Variants in ODAD2 observed in about 807,000 individuals in gnomAD.
The protein encoded by ODAD2 is outer dynein arm-docking complex subunit 2.
Under a neutral mutation model 106.8 loss-of-function variants are expected in ODAD2, and 89 were observed. The observed-to-expected ratio is 0.83, with a 90% confidence interval of 0.70 to 0.99. The LOEUF is 0.99. ODAD2 is among the 50% of genes least tolerant of loss of function. ODAD2 has a pLI of 0.00. For missense variants in ODAD2, 1,168 were observed against 1,238.5 expected, an observed-to-expected ratio of 0.94 and a Z score of 0.85; for synonymous variants, 404 against 436.2, an observed-to-expected ratio of 0.93 and a Z score of 0.92.
intron 10 of ODAD2, among the ~76,000 whole-genome samples, chr10:27,955,848 A>C (rs1199417849): frequency 6.6e-6 from 1 of 151,994 alleles, no homozygotes; most frequent in Non-Finnish European, 1.5e-5. Context: ...CCACCTCCAG[A>C]GAAGAAACCC....
At chr10:27,922,949 CA>C (rs966057889) in intron 16 of ODAD2, among the ~76,000 whole-genome samples, 3 of 149,708 alleles carry the variant, frequency 2.0e-5, no homozygotes, top group South Asian at 4.2e-4. Flanking sequence ...AAACAAAAAA[CA>C]AAAAAAACTA....
intron 17 of ODAD2, among the ~76,000 whole-genome samples, chr10:27,906,621 C>T (rs1479176185): frequency 1.3e-5 from 2 of 152,162 alleles, no homozygotes; most frequent in Non-Finnish European, 2.9e-5. Context: ...CCAAAACACC[C>T]ATCAATGATA....
intron 19 of ODAD2, among the ~76,000 whole-genome samples, chr10:27,849,940 C>T (rs2133212255): frequency 6.6e-6 from 1 of 152,292 alleles, no homozygotes. Flanking sequence ...AGGTGAACCA[C>T]CCAGCAAGAG....
intron 7 of ODAD2, among the ~76,000 whole-genome samples, chr10:27,976,771 A>G (rs913550512): frequency 2.0e-5 from 3 of 152,200 alleles, no homozygotes; most frequent in Admixed American, 2.0e-4. Context: ...TGGACATGCA[A>G]AAGATCTAGA....
At chr10:27,826,057 T>C (rs1372107703) in intron 19 of ODAD2, among the ~76,000 whole-genome samples, 1 of 152,198 alleles carries the variant, frequency 6.6e-6, no homozygotes, top group African/African-American at 2.4e-5. Context: ...ATTATTATGG[T>C]CATACCCGGA....
At chr10:27,887,752 C>A (rs1842319274) in intron 17 of ODAD2, among the ~76,000 whole-genome samples, 1 of 151,644 alleles carries the variant, frequency 6.6e-6, no homozygotes, top group Non-Finnish European at 1.5e-5. Context: ...AGAAATCACA[C>A]AAAACTAGAA....
chr10:27,852,920 C>T (rs927713897), intron 19 of ODAD2, among the ~76,000 whole-genome samples: 2 of 136,420 alleles, frequency 1.5e-5, no homozygotes, highest in Admixed American at 7.8e-5. Context: ...GAGATCGCGC[C>T]GTTGCACTCC....
At chr10:27,903,722 C>G (rs961658168) in intron 17 of ODAD2, among the ~76,000 whole-genome samples, 3 of 152,104 alleles carry the variant, frequency 2.0e-5, no homozygotes, top group African/African-American at 4.8e-5. Flanking sequence ...GAATAAAATA[C>G]CTAGGAATAG....
intron 2 of ODAD2, among the ~76,000 whole-genome samples, chr10:27,992,552 T>C (rs561640059): frequency 2.6e-5 from 4 of 152,060 alleles, no homozygotes; most frequent in South Asian, 2.1e-4. Context: ...TGACCAGGCA[T>C]AGTAGTATGT....
chr10:27,937,360 G>C (rs989784575), intron 14 of ODAD2, among the ~76,000 whole-genome samples: 58 of 138,200 alleles, frequency 4.2e-4, no homozygotes, highest in African/African-American at 1.4e-3. Context: ...TTTTTTGAGA[G>C]AGACTCTTGC....
intron 10 of ODAD2, 58 bp downstream of exon 10, chr10:27,961,510 T>A: frequency 6.8e-7 from 1 of 1,480,240 alleles, no homozygotes; most frequent in East Asian, 2.3e-5. Context: ...AGCATATACA[T>A]CTTTGGGAAA....
At chr10:27,907,014 TA>T (rs886427402) in intron 17 of ODAD2, among the ~76,000 whole-genome samples, 42 of 151,510 alleles carry the variant, frequency 2.8e-4, no homozygotes, top group African/African-American at 8.5e-4. Flanking sequence ...GAGTATAATT[TA>T]AAAAAAAATT....
chr10:27,814,723 A>C (rs1835995621), intron 19 of ODAD2, among the ~76,000 whole-genome samples: 1 of 152,192 alleles, frequency 6.6e-6, no homozygotes, highest in South Asian at 2.1e-4. Flanking sequence ...CTTAGATTGC[A>C]TAGTCCGTCT....
chr10:27,880,756 G>T (rs1183915589), intron 17 of ODAD2, among the ~76,000 whole-genome samples: 1 of 152,152 alleles, frequency 6.6e-6, no homozygotes, highest in Non-Finnish European at 1.5e-5. Context: ...CTTGATCTTG[G>T]ACTTCCCAGC....
intron 16 of ODAD2, among the ~76,000 whole-genome samples, chr10:27,929,754 G>A (rs760567171): frequency 4.6e-5 from 7 of 152,154 alleles, no homozygotes; most frequent in Non-Finnish European, 8.8e-5. Flanking sequence ...TCAATGGCTT[G>A]TGTCATTAAA....
intron 3 of ODAD2, among the ~76,000 whole-genome samples, chr10:27,986,028 A>G (rs1318531914): frequency 1.3e-5 from 2 of 152,164 alleles, no homozygotes; most frequent in Non-Finnish European, 2.9e-5. Context: ...GGCCTATGAG[A>G]CTAATTCAGA....
chr10:27,959,997 AC>A (rs1848011898), intron 10 of ODAD2, among the ~76,000 whole-genome samples: 1 of 152,152 alleles, frequency 6.6e-6, no homozygotes, highest in African/African-American at 2.4e-5. Context: ...AATGAGGGAA[AC>A]ATTAACACAA....
chr10:27,905,866 T>A (rs1843551672), intron 17 of ODAD2, among the ~76,000 whole-genome samples: 1 of 152,000 alleles, frequency 6.6e-6, no homozygotes, highest in Admixed American at 6.6e-5. Context: ...AAAAATTAAC[T>A]CAAGATGGAT....
chr10:27,944,282 A>AT lies in ODAD2; in HGVS notation c.1682dup (p.Asn561LysfsTer6). ...GCCGTGCTCTTTTAAACTTGGCAAC[A>AT]TTCGCGATAGTCTCGGCTGCCAAAC... On this transcript the variant is annotated frameshift_variant, in exon 12 of 20. Transcript: ENST00000305242. LOFTEE classifies it high-confidence loss of function. 6.2e-7 allele frequency: 1 copy of AT among 1,614,012 alleles called. No homozygotes were observed. Among genetic ancestry groups the AT allele is most frequent in the Non-Finnish European group, 8.5e-7 (1 of 1,179,994 alleles).
Sources: allele counts gnomAD v4.1 joint callset (sites outside exome capture counted in the v4.1 genomes callset), GRCh38; gene constraint gnomAD v4.1.1; transcripts MANE v1.5; gene names NCBI Gene and HGNC (gene_info 2026-07-23, HGNC 2026-07-21).